Variants in MYO10 observed in about 807,000 individuals in gnomAD.
The protein encoded by MYO10 is unconventional myosin-X.
Under a neutral mutation model 257.3 loss-of-function variants are expected in MYO10, and 133 were observed. That is an observed-to-expected ratio of 0.52 (90% CI 0.45 to 0.60). The LOEUF (loss-of-function observed/expected upper bound fraction) is 0.60, where lower values mean the gene tolerates loss of function less well. MYO10 is among the 20% of genes least tolerant of loss of function. MYO10 has a pLI of 0.00. For missense variants in MYO10, 2,399 were observed against 2,635.7 expected (o/e 0.91, Z 1.97); for synonymous variants, 1,104 against 1,028.6 (o/e 1.07, Z -1.40).
At chr5:16,914,842 G>T (rs1246528603) in intron 1 of MYO10, among the ~76,000 whole-genome samples, 1 of 152,238 alleles carries the variant, frequency 6.6e-6, no homozygotes, top group Non-Finnish European at 1.5e-5. Context: ...AGCTCTGGGG[G>T]AGCCAAGAAA....
rs1394251496 is a variant in MYO10 at position 16,783,479 on chromosome 5, A to G, written c.468-10T>C. The G allele has an allele frequency of 3.7e-6, 6 of 1,605,520 alleles. No individual in the cohort carries two copies. The highest frequency in any genetic ancestry group is 5.1e-6 in the Non-Finnish European group (6 of 1,177,194). On this transcript the variant is annotated splice_polypyrimidine_tract_variant and intron_variant, in intron 4 of 40. Coordinates refer to ENST00000513610, the MANE Select transcript of MYO10 (RefSeq NM_012334.3). ...TGCCCCACTTTCACCACTGAAAGAC[A>G]AAACGGAAAAGTTTGTGCTTCTAAC...
At chr5:16,843,166 C>T (rs1328500305) in intron 2 of MYO10, among the ~76,000 whole-genome samples, 1 of 152,114 alleles carries the variant, frequency 6.6e-6, no homozygotes, top group Non-Finnish European at 1.5e-5. Flanking sequence ...TGAGCTAGCC[C>T]GGTCCAGCAC....
At chr5:16,787,828 C>T (rs987115142) in intron 4 of MYO10, among the ~76,000 whole-genome samples, 10 of 151,944 alleles carry the variant, frequency 6.6e-5, no homozygotes, top group African/African-American at 1.2e-4. Flanking sequence ...GTGTGAGTTT[C>T]GCTCTGTCTC....
intron 1 of MYO10, among the ~76,000 whole-genome samples, chr5:16,914,655 G>T (rs1745766296): frequency 6.6e-6 from 1 of 152,222 alleles, no homozygotes; most frequent in Non-Finnish European, 1.5e-5. Context: ...GGGTACCCCA[G>T]ACATGAAAAT....
chr5:16,898,042 A>T (rs1486162582), intron 1 of MYO10, among the ~76,000 whole-genome samples: 2 of 152,002 alleles, frequency 1.3e-5, no homozygotes, highest in Non-Finnish European at 2.9e-5. Context: ...AGGCTGGGAG[A>T]TAAGCACTGC....
At chr5:16,851,983 G>T (rs1743817830) in intron 2 of MYO10, among the ~76,000 whole-genome samples, 1 of 145,010 alleles carries the variant, frequency 6.9e-6, no homozygotes, top group Non-Finnish European at 1.5e-5. Flanking sequence ...CCTGGGAGTT[G>T]GAGGTTGCAG....
chr5:16,828,278 T>A (rs1440686773), intron 2 of MYO10, among the ~76,000 whole-genome samples: 1 of 151,930 alleles, frequency 6.6e-6, no homozygotes, highest in Non-Finnish European at 1.5e-5. Context: ...TGTGATTACA[T>A]CATGAAGATG....
intron 6 of MYO10, 77 bp downstream of exon 6, chr5:16,781,628 C>A: frequency 7.2e-7 from 1 of 1,394,654 alleles, no homozygotes; most frequent in South Asian, 1.3e-5. Flanking sequence ...CATTCTTTTT[C>A]AATCCTTATA....
chr5:16,839,006 C>T (rs1255761610), intron 2 of MYO10, among the ~76,000 whole-genome samples: 1 of 152,200 alleles, frequency 6.6e-6, no homozygotes, highest in East Asian at 1.9e-4. Context: ...TGCACCTGGT[C>T]ACCCAAGAGC....
rs1312632515 is a variant in MYO10, at chr5:16,774,338, CA to C, written c.931-5136del. Among the ~76,000 whole-genome samples the C allele has an allele frequency of 1.1e-4, 16 of 152,278 alleles. No homozygotes were observed. The East Asian group carries it at 2.7e-3, about 26-fold the overall frequency. On this transcript the variant is annotated intron_variant, in intron 9 of 40. Coordinates refer to ENST00000513610, the MANE Select transcript of MYO10 (RefSeq NM_012334.3). ...ACAAATGGTGTGTCTGAAAGGGTGA[CA>C]GGGGAGGCTATTTTGGGCACAGTAA...
chr5:16,806,710 A>T (rs916589548), intron 3 of MYO10, among the ~76,000 whole-genome samples: 13 of 152,040 alleles, frequency 8.6e-5, no homozygotes, highest in Non-Finnish European at 1.5e-4. Flanking sequence ...CTCATACAGG[A>T]TGCTTATAGA....
chr5:16,783,555 A>G (rs2126671339), intron 4 of MYO10, 86 bp from the exon 5 acceptor site: 1 of 1,370,176 alleles, frequency 7.3e-7, no homozygotes, highest in South Asian at 1.3e-5. Context: ...ATAATTACTC[A>G]ACAGAACAAT....
At chr5:16,782,522 C>T (rs562144027) in intron 5 of MYO10, among the ~76,000 whole-genome samples, 10 of 152,278 alleles carry the variant, frequency 6.6e-5, no homozygotes, top group South Asian at 2.1e-4. Context: ...TTAATGCCAA[C>T]GCCACTGCGC....
At chr5:16,861,623 G>A (rs1283136522) in intron 2 of MYO10, among the ~76,000 whole-genome samples, 1 of 152,124 alleles carries the variant, frequency 6.6e-6, no homozygotes, top group Non-Finnish European at 1.5e-5. Flanking sequence ...GAAGTGGCAT[G>A]AGAACCTTCC....
chr5:16,801,895 A>G (rs1742131410), intron 3 of MYO10, among the ~76,000 whole-genome samples: 2 of 152,226 alleles, frequency 1.3e-5, no homozygotes, highest in East Asian at 1.9e-4. Flanking sequence ...CTGCCAATAA[A>G]TGAACAGATA....
In MYO10 at chr5:16,685,253, G is replaced by A. The variant is rs889279044; in HGVS notation, c.3990+485C>T. On this transcript the variant is annotated intron_variant, in intron 29 of 40. Transcript: ENST00000513610. ...TTGTTTTTTTAGGAGACAGGGTCAG[G>A]CTGCTGGAGTTCAGTGGCGCAATCA... Among the ~76,000 whole-genome samples the A allele has an allele frequency of 5.3e-5, 8 of 152,060 alleles. No homozygotes were observed. In the East Asian group the frequency reaches 1.5e-3, roughly 29 times the overall value.
chr5:16,821,428 CTTTCCTCCTATTTTCTTTTTTTTTTT>C, intron 2 of MYO10, among the ~76,000 whole-genome samples: 1 of 142,590 alleles, frequency 7.0e-6, no homozygotes, highest in African/African-American at 2.7e-5. Context: ...ATTTGACTTC[CTTTCCTCCTATTTTCTTTTTTTTTTT>C]TTTTTTTTTT....
Position 16,666,732 on chromosome 5 carries a change from C to CA in MYO10, c.6136_6137insT (p.Ser2046MetfsTer26). ...CTGGCTGCTGGCGGAGCGTGTCGTG[C>CA]TGTAGCGCTTCTTCACGATCATGCT... On this transcript the variant is annotated frameshift_variant, in exon 41 of 41. Coordinates refer to ENST00000513610, the MANE Select transcript of MYO10 (RefSeq NM_012334.3). LOFTEE classifies it high-confidence loss of function. 6.2e-7 allele frequency: 1 copy of CA among 1,607,888 alleles called. No individual in the cohort carries two copies. Among genetic ancestry groups the CA allele is most frequent in the South Asian group, 1.1e-5 (1 of 89,736 alleles).
At chr5:16,918,500 C>T (rs369232808) in intron 1 of MYO10, among the ~76,000 whole-genome samples, 1,931 of 117,640 alleles carry the variant, frequency 0.016, 56 homozygotes, top group African/African-American at 0.055. Context: ...TTTTTCTTTT[C>T]TTTTTTTTTT....
Sources: allele counts gnomAD v4.1 joint callset (sites outside exome capture counted in the v4.1 genomes callset), GRCh38; gene constraint gnomAD v4.1.1; transcripts MANE v1.5; gene names NCBI Gene and HGNC (gene_info 2026-07-23, HGNC 2026-07-21).